XYLB: variants seen among roughly 807,000 people sequenced by gnomAD.
XYLB encodes xylulose kinase.
In XYLB, 62 loss-of-function variants were observed where a neutral mutation model predicts 78.7. The observed-to-expected ratio is 0.79, with a 90% CI of 0.64 to 0.97. The LOEUF (loss-of-function observed/expected upper bound fraction) is 0.97, where lower values mean the gene tolerates loss of function less well. XYLB is among the 50% of genes least tolerant of loss of function. XYLB has a pLI of 0.00. For missense variants in XYLB, 687 were observed against 676.8 expected (o/e 1.02, Z -0.17); for synonymous variants, 245 against 247.4 (o/e 0.99, Z 0.09).
At chr3:38,362,885 G>T (rs1706048909) in intron 3 of XYLB, 52 bp from the exon 4 acceptor site, 1 of 1,406,364 alleles carries the variant, frequency 7.1e-7, no homozygotes, top group African/African-American at 1.5e-5. Context: ...AGGCTTGCGT[G>T]TCTGATTCAG....
chr3:38,418,212 A>AGAT (rs1420157997), downstream of XYLB, among the ~76,000 whole-genome samples: 1 of 139,806 alleles, frequency 7.2e-6, no homozygotes. Flanking sequence ...AAAAAAAAAA[A>AGAT]AGATATATAT....
chr3:38,407,479 C>G (rs1708374942), intron 18 of XYLB, among the ~76,000 whole-genome samples: 1 of 152,140 alleles, frequency 6.6e-6, no homozygotes, highest in South Asian at 2.1e-4. Flanking sequence ...CATCAACTAA[C>G]AAGCAAAATA....
chr3:38,415,421 A>T (rs944943954), downstream of XYLB, among the ~76,000 whole-genome samples: 2 of 152,146 alleles, frequency 1.3e-5, no homozygotes, highest in Admixed American at 1.3e-4. Flanking sequence ...ATCTTTGTAG[A>T]TCTGAGGCCA....
intron 18 of XYLB, among the ~76,000 whole-genome samples, chr3:38,407,453 G>C (rs1053417562): frequency 2.0e-5 from 3 of 152,120 alleles, no homozygotes; most frequent in African/African-American, 7.2e-5. Flanking sequence ...AGACCATCGA[G>C]GCTAGGAAGA....
At chr3:38,422,917 C>T (rs1661861839), downstream of XYLB, among the ~76,000 whole-genome samples, 1 of 152,014 alleles carries the variant, frequency 6.6e-6, no homozygotes, top group Admixed American at 6.6e-5. Context: ...GGAACCTATA[C>T]CTTTAAAATG....
At chr3:38,388,776 A>T (rs937534027) in intron 15 of XYLB, among the ~76,000 whole-genome samples, 1 of 152,192 alleles carries the variant, frequency 6.6e-6, no homozygotes, top group Non-Finnish European at 1.5e-5. Flanking sequence ...TTCTTGAAAT[A>T]TGTACTTTAT....
At chr3:38,432,233 A>C in the XYLB span, among the ~76,000 whole-genome samples, 3 of 152,238 alleles carry the variant, frequency 2.0e-5, no homozygotes, top group African/African-American at 7.2e-5. Context: ...CATCTGAGAC[A>C]AGGCAAGTCC....
the XYLB span, among the ~76,000 whole-genome samples, chr3:38,435,107 G>A: frequency 2.0e-5 from 3 of 152,298 alleles, no homozygotes; most frequent in East Asian, 5.8e-4. Context: ...CTTCACTCCA[G>A]CCTGGGTGAC....
At chr3:38,411,263 T>A (rs1434140088) in intron 18 of XYLB, among the ~76,000 whole-genome samples, 10 of 152,086 alleles carry the variant, frequency 6.6e-5, no homozygotes, top group African/African-American at 2.2e-4. Context: ...CATCATTCTC[T>A]GTAAACTATC....
intron 15 of XYLB, among the ~76,000 whole-genome samples, chr3:38,391,241 A>C (rs146042264): frequency 0.36 from 54,358 of 151,214 alleles, 11,087 homozygotes; most frequent in South Asian, 0.49. Flanking sequence ...CAACAACAAA[A>C]AAAAAGAAGA....
the XYLB span, among the ~76,000 whole-genome samples, chr3:38,448,730 G>T: frequency 6.6e-6 from 1 of 152,154 alleles, no homozygotes; most frequent in South Asian, 2.1e-4. Context: ...TGTTCCTTTA[G>T]CTTAGTATTG....
the XYLB span, among the ~76,000 whole-genome samples, chr3:38,442,456 G>A: frequency 7.2e-5 from 11 of 152,152 alleles, no homozygotes; most frequent in Non-Finnish European, 1.3e-4. Flanking sequence ...GTCCACATAA[G>A]TTGGGATGTG....
At chr3:38,418,579 T>A (rs1426255965), downstream of XYLB, among the ~76,000 whole-genome samples, 1 of 152,208 alleles carries the variant, frequency 6.6e-6, no homozygotes, top group Non-Finnish European at 1.5e-5. Flanking sequence ...TACGACAGAT[T>A]GAATAGATTA....
At chr3:38,426,698 A>C in the XYLB span, among the ~76,000 whole-genome samples, 1 of 152,252 alleles carries the variant, frequency 6.6e-6, no homozygotes, top group Non-Finnish European at 1.5e-5. Flanking sequence ...TGCGAGAAGT[A>C]GCCTACTGTG....
At chr3:38,377,119 C>A in intron 14 of XYLB, 128 bp downstream of exon 14, 1 of 833,592 alleles carries the variant, frequency 1.2e-6, no homozygotes, top group Non-Finnish European at 1.9e-6. Flanking sequence ...ATCATACACA[C>A]TTGTGGTGTG....
chr3:38,415,536 A>G (rs1253622264), downstream of XYLB, among the ~76,000 whole-genome samples: 1 of 152,164 alleles, frequency 6.6e-6, no homozygotes, highest in Non-Finnish European at 1.5e-5. Flanking sequence ...TAATCCCAGC[A>G]CTTTGGGAGG....
chr3:38,359,618 C>T (rs922876459), intron 2 of XYLB, among the ~76,000 whole-genome samples: 19 of 152,268 alleles, frequency 1.2e-4, no homozygotes, highest in South Asian at 1.0e-3. Context: ...ATATACACCA[C>T]GATTTATCTG....
At chr3:38,389,128 T>C (rs1209795616) in intron 15 of XYLB, among the ~76,000 whole-genome samples, 3 of 146,964 alleles carry the variant, frequency 2.0e-5, no homozygotes, top group Non-Finnish European at 4.5e-5. Context: ...TACTTGAGAT[T>C]AGGGAGTGGT....
rs1382471195 is a variant in XYLB at position 38,350,549 on chromosome 3, C to T, written c.140+1917C>T. Among the ~76,000 whole-genome samples the T allele has an allele frequency of 2.0e-5, 3 of 151,828 alleles. No homozygotes were observed. The South Asian group carries it at 6.2e-4, about 32-fold the overall frequency. The stretch of plus-strand genomic sequence containing the variant: ...TTCAACTTTTGGTTTTGTTGATTTT[C>T]CCCTGTTGTTTTCTTCAAGTTGTGC... On this transcript the variant is annotated intron_variant, in intron 2 of 18. Transcript: ENST00000207870.
Sources: allele counts gnomAD v4.1 joint callset (sites outside exome capture counted in the v4.1 genomes callset), GRCh38; gene constraint gnomAD v4.1.1; transcripts MANE v1.5; gene names NCBI Gene and HGNC (gene_info 2026-07-23, HGNC 2026-07-21).